Variants in KCNH8 observed in about 807,000 individuals in gnomAD.
KCNH8 encodes potassium voltage-gated channel subfamily H member 8, also known as voltage-gated delayed rectifier potassium channel KCNH8.
A neutral mutation model predicts 103.6 loss-of-function variants in KCNH8; 70 were observed. The observed-to-expected ratio is 0.68, with a 90% CI of 0.56 to 0.82. The LOEUF (loss-of-function observed/expected upper bound fraction) is 0.82. Ranked by LOEUF, KCNH8 falls within the 40% of genes least tolerant of loss-of-function variation. The pLI is 0.00. For synonymous variants in KCNH8, 498 were observed against 489.4 expected, an observed-to-expected ratio of 1.02 and a Z score of -0.23; for missense variants, 1,217 against 1,329.9, an observed-to-expected ratio of 0.92 and a Z score of 1.32.
At chr3:19,458,193 C>T (rs2067563416) in intron 11 of KCNH8, among the ~76,000 whole-genome samples, 1 of 151,926 alleles carries the variant, frequency 6.6e-6, no homozygotes, top group Admixed American at 6.6e-5. Flanking sequence ...GAGTTTAAAA[C>T]ATATATTGTT....
chr3:19,202,463 C>G (rs1445106585), intron 1 of KCNH8, among the ~76,000 whole-genome samples: 1 of 152,090 alleles, frequency 6.6e-6, no homozygotes, highest in Non-Finnish European at 1.5e-5. Context: ...CAACTCCAGT[C>G]TCCCTCCAAA....
intron 11 of KCNH8, among the ~76,000 whole-genome samples, chr3:19,460,275 T>C (rs1032488749): frequency 2.0e-5 from 3 of 152,064 alleles, no homozygotes; most frequent in Non-Finnish European, 4.4e-5. Flanking sequence ...TTACCAAGGC[T>C]CTTCCTATTT....
chr3:19,378,025 A>G (rs2066235220), intron 5 of KCNH8, among the ~76,000 whole-genome samples: 1 of 151,942 alleles, frequency 6.6e-6, no homozygotes, highest in Non-Finnish European at 1.5e-5. Context: ...GCTAGTAGGG[A>G]GAGGTATATG....
chr3:19,318,986 C>T (rs2125302500), intron 3 of KCNH8, among the ~76,000 whole-genome samples: 1 of 151,770 alleles, frequency 6.6e-6, no homozygotes, highest in African/African-American at 2.4e-5. Context: ...CCTTAGCTCA[C>T]TTTTTGATGG....
chr3:19,222,207 T>C (rs1290893192), intron 1 of KCNH8, among the ~76,000 whole-genome samples: 3 of 152,220 alleles, frequency 2.0e-5, no homozygotes, highest in Non-Finnish European at 4.4e-5. Flanking sequence ...TTTTCATAGC[T>C]CAAAAGCTCT....
At chr3:19,243,770 T>C (rs999262343) in intron 1 of KCNH8, among the ~76,000 whole-genome samples, 6 of 152,184 alleles carry the variant, frequency 3.9e-5, no homozygotes, top group Non-Finnish European at 7.4e-5. Flanking sequence ...AATCTTCATG[T>C]ATGCTTGAAG....
intron 10 of KCNH8, among the ~76,000 whole-genome samples, chr3:19,453,542 TATG>T (rs2067481703): frequency 6.6e-6 from 1 of 152,122 alleles, no homozygotes; most frequent in Non-Finnish European, 1.5e-5. Flanking sequence ...ATTTGTGGGT[TATG>T]ATCTGAATGT....
intron 5 of KCNH8, among the ~76,000 whole-genome samples, chr3:19,384,767 G>C (rs1325814679): frequency 6.6e-6 from 1 of 152,040 alleles, no homozygotes; most frequent in African/African-American, 2.4e-5. Context: ...ACCACTTCTG[G>C]GATGGTAAAT....
intron 5 of KCNH8, among the ~76,000 whole-genome samples, chr3:19,374,029 G>C (rs924136976): frequency 5.9e-5 from 9 of 152,040 alleles, no homozygotes; most frequent in African/African-American, 1.9e-4. Flanking sequence ...TTACTTCCAA[G>C]TACGTGGTCA....
At chr3:19,386,365 G>A (rs2066356441) in intron 5 of KCNH8, among the ~76,000 whole-genome samples, 1 of 151,844 alleles carries the variant, frequency 6.6e-6, no homozygotes, top group Non-Finnish European at 1.5e-5. Context: ...GCTTCTTTTG[G>A]GTGGGTATAT....
intron 1 of KCNH8, among the ~76,000 whole-genome samples, chr3:19,228,459 C>G (rs938908384): frequency 6.6e-6 from 1 of 152,054 alleles, no homozygotes; most frequent in African/African-American, 2.4e-5. Context: ...TATTTTGTAA[C>G]ATATGAGAGT....
At chr3:19,499,227 G>A (rs890587476) in intron 11 of KCNH8, among the ~76,000 whole-genome samples, 1 of 152,000 alleles carries the variant, frequency 6.6e-6, no homozygotes, top group Non-Finnish European at 1.5e-5. Context: ...AAGCGAGAAG[G>A]GAAGTTTAGA....
chr3:19,399,823 A>T (rs1357287313), intron 7 of KCNH8, among the ~76,000 whole-genome samples: 5 of 152,018 alleles, frequency 3.3e-5, no homozygotes, highest in Admixed American at 3.3e-4. Flanking sequence ...TGTATCAGTC[A>T]TGATTCTTGA....
intron 6 of KCNH8, among the ~76,000 whole-genome samples, chr3:19,391,067 G>A (rs2066430327): frequency 6.6e-6 from 1 of 151,556 alleles, no homozygotes; most frequent in African/African-American, 2.4e-5. Flanking sequence ...GTTATTCATT[G>A]GCAAAACCAA....
intron 1 of KCNH8, among the ~76,000 whole-genome samples, chr3:19,154,664 T>G (rs2063163232): frequency 6.6e-6 from 1 of 152,356 alleles, no homozygotes; most frequent in East Asian, 1.9e-4. Context: ...GGGAGTTAAC[T>G]TTCTCTTAAG....
chr3:19,247,318 A>G (rs1239229788), intron 1 of KCNH8, among the ~76,000 whole-genome samples: 1 of 152,228 alleles, frequency 6.6e-6, no homozygotes, highest in East Asian at 1.9e-4. Context: ...CATACTTGGA[A>G]ATGATGCAGT....
chr3:19,343,943 T>A (rs1461543686), intron 4 of KCNH8, among the ~76,000 whole-genome samples: 1 of 151,172 alleles, frequency 6.6e-6, no homozygotes, highest in African/African-American at 2.4e-5. Context: ...CCATCAACCA[T>A]GTCCGTGCTG....
intron 12 of KCNH8, among the ~76,000 whole-genome samples, chr3:19,511,786 A>G (rs2068787497): frequency 6.6e-6 from 1 of 152,184 alleles, no homozygotes; most frequent in Non-Finnish European, 1.5e-5. Flanking sequence ...CAATAAGATT[A>G]AAGTACAAGA....
chr3:19,333,307 T>C (rs1189751923), intron 3 of KCNH8, among the ~76,000 whole-genome samples: 1 of 152,230 alleles, frequency 6.6e-6, no homozygotes, highest in East Asian at 1.9e-4. Context: ...ATTTGTACTA[T>C]AAATGTGCTA....
Sources: gnomAD v4.1 joint callset for allele counts (sites outside exome capture counted in the v4.1 genomes callset) on GRCh38, gnomAD v4.1.1 for gene constraint, MANE v1.5 for transcripts, NCBI Gene and HGNC (gene_info 2026-07-23, HGNC 2026-07-21) for gene names.